Variants in NPHP4 observed in about 807,000 individuals in gnomAD.
NPHP4 encodes nephrocystin 4.
Under a neutral mutation model 155.8 loss-of-function variants are expected in NPHP4, and 151 were observed. The ratio of observed to expected loss-of-function variants is 0.97; its 90% CI spans 0.85 to 1.11. The LOEUF (loss-of-function observed/expected upper bound fraction) is 1.11. Ranked by LOEUF, NPHP4 falls within the 50% of genes least tolerant of loss-of-function variation. The pLI, the probability that NPHP4 is intolerant of heterozygous loss-of-function variation, is 0.00. For synonymous variants in NPHP4, 845 were observed against 816.8 expected (o/e 1.03, Z -0.59); for missense variants, 1,956 against 1,925.7 (o/e 1.02, Z -0.29).
At chr1:5,879,050 T>C (rs1203551046) in intron 19 of NPHP4, among the ~76,000 whole-genome samples, 1 of 152,220 alleles carries the variant, frequency 6.6e-6, no homozygotes, top group Non-Finnish European at 1.5e-5. Flanking sequence ...CATGAATCCC[T>C]TTGAGCCCCT....
intron 23 of NPHP4, among the ~76,000 whole-genome samples, chr1:5,869,403 T>A (rs1475370282): frequency 6.6e-6 from 1 of 152,174 alleles, no homozygotes; most frequent in East Asian, 1.9e-4. Context: ...CTGCACACAC[T>A]GAGAAGGAGA....
intron 22 of NPHP4, 136 bp from the exon 23 acceptor site, chr1:5,873,471 T>C: frequency 4.3e-6 from 3 of 701,760 alleles, no homozygotes; most frequent in Non-Finnish European, 7.7e-6. Flanking sequence ...GCAGCAACCA[T>C]CACCAACCGG....
In NPHP4 at chr1:5,864,390, A is replaced by T; in HGVS notation, c.3944T>A (p.Leu1315Gln). 1 of 1,611,672 alleles carries T rather than the reference A, an allele frequency of 6.2e-7. No homozygotes were observed. The highest frequency in any genetic ancestry group is 1.1e-5 in the South Asian group (1 of 90,874). Residue 1315 changes from leucine (L) to glutamine (Q), a missense_variant, in exon 28 of 30, where the codon CTG becomes CAG. Physicochemically the swap from Leu to Gln is moderately radical, Grantham distance 113. Transcript: ENST00000378156. ...GAGGCACACGAGCCAGGAGGCCACC[A>T]GCTGGTGGCAATCCACGTCCACCAG... ...LNLVDVDCHQ[L>Q]VASWLVCLCC...
intron 2 of NPHP4, among the ~76,000 whole-genome samples, chr1:5,980,668 G>A (rs904504175): frequency 3.3e-5 from 5 of 152,088 alleles, no homozygotes; most frequent in South Asian, 2.1e-4. Context: ...GAGTGGCTGC[G>A]TGGTCATGAA....
intron 27 of NPHP4, chr1:5,864,825 A>T (rs1445855391): frequency 7.4e-6 from 4 of 543,614 alleles, no homozygotes; most frequent in Admixed American, 3.1e-5. Context: ...CACCCCGTCT[A>T]ACTGTGGCTT....
chr1:5,924,887 C>T (rs755771076), intron 11 of NPHP4, among the ~76,000 whole-genome samples: 59 of 152,116 alleles, frequency 3.9e-4, no homozygotes, highest in Non-Finnish European at 4.7e-4. Context: ...AACTCCTGAG[C>T]TCAAGTGATC....
intron 11 of NPHP4, among the ~76,000 whole-genome samples, chr1:5,911,953 G>A (rs76376827): frequency 5.5e-4 from 84 of 152,288 alleles, no homozygotes; most frequent in East Asian, 4.6e-3. Context: ...CCTGACTTCC[G>A]CCACATAACA....
At chr1:5,935,549 G>A (rs538956217) in intron 9 of NPHP4, among the ~76,000 whole-genome samples, 3 of 152,296 alleles carry the variant, frequency 2.0e-5, no homozygotes, top group Admixed American at 6.5e-5. Context: ...GCATACCAAC[G>A]ACATGGTGAT....
intron 1 of NPHP4, among the ~76,000 whole-genome samples, chr1:5,990,394 G>A (rs553146685): frequency 5.9e-5 from 9 of 152,012 alleles, no homozygotes; most frequent in Non-Finnish European, 1.0e-4. Context: ...AGAGAAAATC[G>A]AGAAGGCTCC....
chr1:5,915,461 C>G (rs1035072534), intron 11 of NPHP4, among the ~76,000 whole-genome samples: 2 of 152,130 alleles, frequency 1.3e-5, no homozygotes, highest in Non-Finnish European at 2.9e-5. Flanking sequence ...TTATTCCTAA[C>G]TATTTGTAGG....
At chr1:5,869,171 T>G (rs1005684567) in intron 23 of NPHP4, among the ~76,000 whole-genome samples, 11 of 131,104 alleles carry the variant, frequency 8.4e-5, no homozygotes, top group Middle Eastern at 6.0e-3. Context: ...CGCACCCACA[T>G]GCACACAATG....
Position 5,866,377 on chromosome 1 carries a change from A to T in NPHP4, c.3640T>A (p.Tyr1214Asn). The change falls in exon 26 of 30, where the codon TAC becomes AAC. Residue 1214 changes from tyrosine (Y) to asparagine (N), a missense_variant. Coordinates refer to ENST00000378156, the MANE Select transcript of NPHP4 (RefSeq NM_015102.5). Reference sequence around the variant, plus strand: ...CCCCAAAGCCTGTGCACTTACGAGTAAATGATGACAAAGAAGTCTTTGATC... The same window carrying T: ...CCCCAAAGCCTGTGCACTTACGAGTTAATGATGACAAAGAAGTCTTTGATC... ...PEIKDFFVII[Y>N]SDRWLATPTQ... is the part of the protein sequence containing the mutation. 1 of 1,601,366 alleles carries T rather than the reference A, an allele frequency of 6.2e-7. No homozygotes were observed.
At chr1:5,896,185 C>T (rs368596047) in intron 16 of NPHP4, among the ~76,000 whole-genome samples, 1 of 152,134 alleles carries the variant, frequency 6.6e-6, no homozygotes, top group Non-Finnish European at 1.5e-5. Flanking sequence ...GGAGGCTGGG[C>T]AGGGGGAGGA....
chr1:5,978,374 G>A lies in NPHP4; in HGVS notation c.175C>T (p.Arg59Ter), dbSNP rs753774833. The A allele has an allele frequency of 3.7e-6, 6 of 1,607,536 alleles. No individual in the cohort carries two copies. The highest frequency in any genetic ancestry group is 1.7e-5 in the Admixed American group (1 of 59,132). The change falls in exon 3 of 30, where the codon CGA (arginine) becomes TGA (stop). Residue 59 changes from arginine to a stop codon, truncating the protein, a stop_gained. Transcript: ENST00000378156. LOFTEE classifies it high-confidence loss of function. The part of the protein sequence containing the change: ...EVLSEVECHL[R>*]VSFFDVTYRH... Reference sequence around the variant, plus strand: ...TAGGTGACATCAAAGAAAGACACTCGCAGATGGCATTCAACCTCTGACAGT... The same window carrying A: ...TAGGTGACATCAAAGAAAGACACTCACAGATGGCATTCAACCTCTGACAGT...
chr1:5,877,311 C>G lies in NPHP4; in HGVS notation c.2612-13G>C. 1.9e-6 allele frequency: 3 copies of G among 1,577,734 alleles called. No homozygotes were observed. Among genetic ancestry groups the G allele is most frequent in the Non-Finnish European group, 2.6e-6 (3 of 1,154,402 alleles). On this transcript the variant is annotated splice_polypyrimidine_tract_variant and intron_variant, in intron 19 of 29. Coordinates refer to ENST00000378156, the MANE Select transcript of NPHP4 (RefSeq NM_015102.5). Reference sequence around the variant, plus strand: ...ACCACGTGTTTTCCTGCGAAAGGGTCAGAGCGCGAGTCAGGTAGACGTGCA... The same window carrying G: ...ACCACGTGTTTTCCTGCGAAAGGGTGAGAGCGCGAGTCAGGTAGACGTGCA...
chr1:5,910,686 A>G lies in NPHP4; in HGVS notation c.1442-1473T>C, dbSNP rs891361540. On this transcript the variant is annotated intron_variant, in intron 11 of 29. Transcript: ENST00000378156. The surrounding 1 kb of genome is among the most constrained non-coding windows in gnomAD (Gnocchi z 5.4). ...TCTGAATCCCAAAAAAACAAAAACA[A>G]CAAGGAAAATGCTGTCGACCAAGGA... 4.1e-4 allele frequency among the ~76,000 whole-genome samples: 62 copies of G among 152,278 alleles called. No homozygotes were observed. The highest frequency in any genetic ancestry group is 1.4e-3 in the African/African-American group (58 of 41,550).
chr1:5,925,544 C>T (rs545082373), intron 11 of NPHP4, among the ~76,000 whole-genome samples: 1 of 152,120 alleles, frequency 6.6e-6, no homozygotes, highest in Non-Finnish European at 1.5e-5. Flanking sequence ...TAAAATATAA[C>T]TATATGTCAA....
Position 5,867,491 on chromosome 1 carries a change from G to A in NPHP4, c.3472+249C>T. On this transcript the variant is annotated intron_variant, in intron 24 of 29. Transcript: ENST00000378156. This position sits in a 1 kb window ranked among gnomAD's most constrained non-coding sequence, Gnocchi z 4.1. Reference sequence around the variant, plus strand: ...GTTCCTCCAGGCACACCTGGACCTGGGCCGCGGGAGCTGGGATTTTTTAGA... The same window carrying A: ...GTTCCTCCAGGCACACCTGGACCTGAGCCGCGGGAGCTGGGATTTTTTAGA... The A allele has an allele frequency of 1.7e-6, 1 of 576,316 alleles. No individual in the cohort carries two copies. The allele number at this position is 576,316 out of a possible 1,614,324, so 35.7% of individuals were successfully genotyped here. A position where few individuals can be genotyped will look rare whatever the true frequency, so the allele number is the denominator to read the frequency against.
chr1:5,867,087 G>T lies in NPHP4; in HGVS notation c.3501C>A (p.Asp1167Glu), dbSNP rs765238761. ...CGCTGCAGCGAACATGGACTGGGGG[G>T]TCCTCACCAAGCATTCCCACCGGAG... is the stretch of plus-strand genomic sequence containing the variant. ...PGAPVGMLGEDPPVHVRCSDP... is the reference protein window; with the variant it reads ...PGAPVGMLGEEPPVHVRCSDP... Residue 1167 changes from aspartate to glutamate, a missense_variant, in exon 25 of 30, where the codon GAC becomes GAA. Asp to Glu is a conservative substitution (Grantham distance 45). Transcript: ENST00000378156. This position sits in a 1 kb window ranked among gnomAD's most constrained non-coding sequence, Gnocchi z 4.1. 2.5e-6 allele frequency: 4 copies of T among 1,612,892 alleles called. No homozygotes were observed. The highest frequency in any genetic ancestry group is 1.6e-4 in the Middle Eastern group (1 of 6,062).
Sources: gnomAD v4.1 joint callset for allele counts (sites outside exome capture counted in the v4.1 genomes callset) on GRCh38, gnomAD v4.1.1 for gene constraint, Gnocchi (gnomAD v3.1) non-coding constraint, MANE v1.5 for transcripts, NCBI Gene and HGNC (gene_info 2026-07-23, HGNC 2026-07-21) for gene names.